The following CSMD1 variants were observed in gnomAD, a reference collection of about 807,000 sequenced individuals.
CSMD1 encodes the protein CUB and Sushi multiple domains 1.
Under a neutral mutation model 417.5 loss-of-function variants are expected in CSMD1, and 213 were observed. The observed-to-expected ratio is 0.51, with a 90% CI of 0.46 to 0.57. The LOEUF is 0.57. Ranked by LOEUF, CSMD1 falls within the 20% of genes least tolerant of loss-of-function variation. The pLI, the probability that CSMD1 is intolerant of heterozygous loss-of-function variation, is 0.00. For synonymous variants in CSMD1, 2,862 were observed against 1,736.8 expected, an observed-to-expected ratio of 1.65 and a Z score of -16.11; for missense variants, 6,923 against 4,529.7, an observed-to-expected ratio of 1.53 and a Z score of -15.17.
intron 11 of CSMD1, among the ~76,000 whole-genome samples, chr8:3,472,366 G>A (rs1472071685): frequency 6.6e-6 from 1 of 151,886 alleles, no homozygotes; most frequent in Admixed American, 6.6e-5. Flanking sequence ...CAATTCTTGG[G>A]GACCTCTACT....
intron 3 of CSMD1, among the ~76,000 whole-genome samples, chr8:4,111,274 G>A (rs1334155067): frequency 6.6e-6 from 1 of 152,090 alleles, no homozygotes; most frequent in Admixed American, 6.6e-5. Flanking sequence ...TTTAGATATA[G>A]ATCAGTGAAA....
Position 4,516,605 on chromosome 8 carries a change from T to C in CSMD1, c.303-96540A>G, listed in dbSNP as rs147848060. Among the ~76,000 whole-genome samples the C allele has an allele frequency of 5.2e-3, 798 of 152,246 alleles. 6 individuals are homozygous for C. The highest frequency in any genetic ancestry group is 0.018 in the African/African-American group (755 of 41,550). ...AGCTTGTGTTGTATGGGGTCTCCCT[T>C]CTCATGCAAGCATCGCCTGATAAAA... On this transcript the variant is annotated intron_variant, in intron 2 of 69. Transcript: ENST00000635120.
chr8:4,321,290 C>A (rs1411049107), intron 3 of CSMD1, among the ~76,000 whole-genome samples: 1 of 152,110 alleles, frequency 6.6e-6, no homozygotes, highest in African/African-American at 2.4e-5. Flanking sequence ...ATGTTCAGAG[C>A]TGACCCAGTC....
At chr8:3,834,165 A>AT (rs1802534054) in intron 5 of CSMD1, among the ~76,000 whole-genome samples, 2 of 151,830 alleles carry the variant, frequency 1.3e-5, no homozygotes, top group African/African-American at 4.8e-5. Context: ...ATATATACCT[A>AT]TTTTTTACCT....
intron 54 of CSMD1, among the ~76,000 whole-genome samples, chr8:2,981,832 G>C (rs902143180): frequency 5.3e-5 from 8 of 152,098 alleles, no homozygotes; most frequent in Admixed American, 1.3e-4. Flanking sequence ...AAATACATAA[G>C]AATCAGGACT....
Position 3,230,149 on chromosome 8 carries a change from G to C in CSMD1, c.4236C>G (p.Thr1412=), listed in dbSNP as rs371300012. 63 of 1,613,364 alleles carry C rather than the reference G, an allele frequency of 3.9e-5. No homozygotes were observed. The African/African-American group carries it at 7.5e-4, about 19-fold the overall frequency. The change falls in exon 27 of 70, where the codon ACC becomes ACG. Residue 1412 remains threonine (T), a synonymous_variant. Coordinates refer to ENST00000635120, the MANE Select transcript of CSMD1 (RefSeq NM_033225.6). ...RYGDSREAGD[T]VTFQCDPGYQ... is the part of the protein sequence containing the mutation. ...AGCCAGGGTCACACTGGAATGTGAC[G>C]GTGTCTCCAGCCTCTCTGCTGTCTC...
At chr8:4,145,361 A>G (rs1014397811) in intron 3 of CSMD1, among the ~76,000 whole-genome samples, 1 of 151,116 alleles carries the variant, frequency 6.6e-6, no homozygotes, top group Admixed American at 6.6e-5. Flanking sequence ...AAAGATCTGG[A>G]AAAATGTCCC....
chr8:4,181,991 T>G (rs918599371), intron 3 of CSMD1, among the ~76,000 whole-genome samples: 7 of 150,650 alleles, frequency 4.6e-5, no homozygotes, highest in Non-Finnish European at 7.4e-5. Flanking sequence ...GTGTAATGTT[T>G]ACATTTTTAA....
chr8:4,743,113 A>C (rs576596441), intron 1 of CSMD1, among the ~76,000 whole-genome samples: 1 of 152,338 alleles, frequency 6.6e-6, no homozygotes, highest in African/African-American at 2.4e-5. Flanking sequence ...TAATCTGAAA[A>C]TAAATATACC....
At chr8:3,391,498 A>C (rs1344591244) in intron 17 of CSMD1, among the ~76,000 whole-genome samples, 3 of 152,234 alleles carry the variant, frequency 2.0e-5, no homozygotes, top group African/African-American at 7.2e-5. Flanking sequence ...GCGAGAATGC[A>C]ATCGCTATTA....
chr8:3,623,125 T>C, intron 7 of CSMD1, among the ~76,000 whole-genome samples: 1 of 152,214 alleles, frequency 6.6e-6, no homozygotes, highest in Admixed American at 6.5e-5. Flanking sequence ...AAGTGGATGA[T>C]CAGATATAAA....
rs1376169490 is a variant in CSMD1 at position 4,265,741 on chromosome 8, G to C, written c.415+154212C>G. Among the ~76,000 whole-genome samples, 6 of 104,456 alleles carry C rather than the reference G, an allele frequency of 5.7e-5. 2 individuals carry two copies. The highest frequency in any genetic ancestry group is 7.5e-4 in the South Asian group (2 of 2,658). The allele number at this position is 104,456 out of a possible 152,430, so 68.5% of individuals were successfully genotyped here. A position where few individuals can be genotyped will look rare whatever the true frequency, so the allele number is the denominator to read the frequency against. On this transcript the variant is annotated intron_variant, in intron 3 of 69. Transcript: ENST00000635120. ...ACAGTTAATGCAACATAAAATGTTTGAAAACTTTAAATAGAGCAAGTCAGT... is the reference window on the plus strand; with the variant it reads ...ACAGTTAATGCAACATAAAATGTTTCAAAACTTTAAATAGAGCAAGTCAGT...
At chr8:4,780,856 A>C (rs1336850089) in intron 1 of CSMD1, among the ~76,000 whole-genome samples, 1 of 152,218 alleles carries the variant, frequency 6.6e-6, no homozygotes, top group East Asian at 1.9e-4. Context: ...CACTTAAAAC[A>C]ATAATCTCCA....
chr8:4,630,329 G>C (rs1802436709), intron 2 of CSMD1, among the ~76,000 whole-genome samples: 1 of 150,610 alleles, frequency 6.6e-6, no homozygotes, highest in African/African-American at 2.5e-5. Flanking sequence ...GTCAACTAAG[G>C]CTGCATAATA....
In CSMD1 at chr8:3,367,127, G is replaced by A. The variant is rs147113316; in HGVS notation, c.3020C>T (p.Thr1007Met). The A allele has an allele frequency of 7.4e-6, 12 of 1,613,724 alleles. No individual in the cohort carries two copies. Among genetic ancestry groups the A allele is most frequent in the South Asian group, 2.2e-5 (2 of 91,018 alleles). The change falls in exon 20 of 70, where the codon ACG becomes ATG. Residue 1007 changes from threonine to methionine, a missense_variant. By Grantham distance (81) the Thr-to-Met change is moderately conservative (BLOSUM62 -1). Coordinates refer to ENST00000635120, the MANE Select transcript of CSMD1 (RefSeq NM_033225.6). ...ARLTGSVLPH[T>M]IKAGLFGNFT... ...GTTTCCAAACAGGCCTGCCTTGATC[G>A]TATGAGGCAACACCGACCCGGTGAG...
intron 30 of CSMD1, 71 bp downstream of exon 30, chr8:3,214,421 GAAACC>G (rs978415357): frequency 1.3e-5 from 16 of 1,271,412 alleles, no homozygotes; most frequent in Non-Finnish European, 1.6e-5. Context: ...GTTGAAATGT[GAAACC>G]ATTTCTTCAA....
intron 1 of CSMD1, among the ~76,000 whole-genome samples, chr8:4,737,498 T>C (rs1810318487): frequency 6.6e-6 from 1 of 151,954 alleles, no homozygotes; most frequent in African/African-American, 2.4e-5. Flanking sequence ...AAAATAACAA[T>C]TAAAAAAAAA....
intron 23 of CSMD1, among the ~76,000 whole-genome samples, chr8:3,326,937 G>T (rs1295150241): frequency 6.6e-6 from 1 of 152,068 alleles, no homozygotes; most frequent in Non-Finnish European, 1.5e-5. Context: ...GGCTCTTAGG[G>T]AGGAAGAGGT....
chr8:4,764,359 C>G (rs1441191132), intron 1 of CSMD1, among the ~76,000 whole-genome samples: 2 of 152,094 alleles, frequency 1.3e-5, no homozygotes, highest in African/African-American at 4.8e-5. Flanking sequence ...TATCAATTCA[C>G]AAAGGAGCAA....
Sources: allele counts gnomAD v4.1 joint callset (sites outside exome capture counted in the v4.1 genomes callset), GRCh38; gene constraint gnomAD v4.1.1; transcripts MANE v1.5; gene names NCBI Gene and HGNC (gene_info 2026-07-23, HGNC 2026-07-21).